Variants in OPRM1 observed in about 807,000 individuals in gnomAD.
OPRM1 encodes the protein opioid receptor mu 1.
Under a neutral mutation model 31.8 loss-of-function variants are expected in OPRM1, and 27 were observed. The observed-to-expected ratio is 0.85, with a 90% confidence interval of 0.63 to 1.17. OPRM1 has a LOEUF of 1.17. OPRM1 is among the 50% of genes most tolerant of loss of function. The pLI, the probability that OPRM1 is intolerant of heterozygous loss-of-function variation, is 0.00. For missense variants in OPRM1, 536 were observed against 511.1 expected, an observed-to-expected ratio of 1.05 and a Z score of -0.47; for synonymous variants, 196 against 189.9, an observed-to-expected ratio of 1.03 and a Z score of -0.26.
chr6:154,246,708 A>T, exon 4 of OPRM1: 1 of 1,614,138 alleles, frequency 6.2e-7, no homozygotes. Flanking sequence ...CTTGGCAGTC[A>T]GCATGGCCCA....
intron 1 of OPRM1, among the ~76,000 whole-genome samples, chr6:154,027,050 G>C (rs1749996337): frequency 6.6e-6 from 1 of 152,162 alleles, no homozygotes; most frequent in Non-Finnish European, 1.5e-5. Flanking sequence ...AGTTAGGTAT[G>C]TATGGTAGTC....
chr6:154,206,381 C>G (rs1053149584), intron 3 of OPRM1, among the ~76,000 whole-genome samples: 1 of 152,102 alleles, frequency 6.6e-6, no homozygotes, highest in African/African-American at 2.4e-5. Context: ...ATTTGTGGAA[C>G]AAGAAATTTG....
chr6:154,093,694 C>T (rs1792834139), intron 3 of OPRM1, among the ~76,000 whole-genome samples: 1 of 152,200 alleles, frequency 6.6e-6, no homozygotes, highest in African/African-American at 2.4e-5. Context: ...GAATTGGTTG[C>T]TGTCCCAAAA....
chr6:154,181,660 T>C (rs1800883039), intron 3 of OPRM1, among the ~76,000 whole-genome samples: 1 of 152,142 alleles, frequency 6.6e-6, no homozygotes, highest in Non-Finnish European at 1.5e-5. Context: ...AAGGGAGCAA[T>C]CCCCACCCGG....
At chr6:154,069,612 C>A (rs778840177) in intron 1 of OPRM1, among the ~76,000 whole-genome samples, 8 of 152,128 alleles carry the variant, frequency 5.3e-5, no homozygotes, top group Non-Finnish European at 1.2e-4. Context: ...CCTATGTTTT[C>A]TTTTAGCATT....
At chr6:154,212,109 C>G (rs1778010106) in intron 3 of OPRM1, among the ~76,000 whole-genome samples, 1 of 152,072 alleles carries the variant, frequency 6.6e-6, no homozygotes, top group Admixed American at 6.5e-5. Flanking sequence ...GGTATAAAAC[C>G]AAAAATCACC....
chr6:154,198,789 G>C (rs34007356), intron 3 of OPRM1, among the ~76,000 whole-genome samples: 13,967 of 152,044 alleles, frequency 0.092, 975 homozygotes, highest in African/African-American at 0.2. Flanking sequence ...GGAGAGGAGA[G>C]AGCAGTCATC....
At chr6:154,083,957 A>AG (rs1184906159) in intron 1 of OPRM1, among the ~76,000 whole-genome samples, 18 of 151,014 alleles carry the variant, frequency 1.2e-4, no homozygotes, top group Non-Finnish European at 2.7e-4. Flanking sequence ...AAAAAAAAAA[A>AG]AAAAAAAAAA....
At chr6:154,114,884 A>C (rs969690370) in intron 3 of OPRM1, among the ~76,000 whole-genome samples, 1 of 151,972 alleles carries the variant, frequency 6.6e-6, no homozygotes, top group African/African-American at 2.4e-5. Context: ...ATTAAAAAAA[A>C]AAAAACAAAA....
chr6:154,131,195 T>C lies in OPRM1; in HGVS notation c.*12474T>C, dbSNP rs1193751379. Among the ~76,000 whole-genome samples the C allele has an allele frequency of 6.6e-6, 1 of 152,212 alleles. No homozygotes were observed. The highest frequency in any genetic ancestry group is 1.5e-5 in the Non-Finnish European group (1 of 68,038). ...TTGCATTTGAAATTCAGGTAACTAA[T>C]AACCCTTGGTTTTAAAAGATACATA... On this transcript the variant is annotated 3_prime_UTR_variant, in exon 4 of 4. Transcript: ENST00000330432.
intron 3 of OPRM1, among the ~76,000 whole-genome samples, chr6:154,216,373 T>C (rs533768745): frequency 6.6e-6 from 1 of 152,272 alleles, no homozygotes; most frequent in East Asian, 1.9e-4. Flanking sequence ...ATATCTTCTG[T>C]AATTGTGCCT....
intron 1 of OPRM1, among the ~76,000 whole-genome samples, chr6:154,080,576 C>T (rs976175660): frequency 5.3e-5 from 8 of 152,188 alleles, no homozygotes; most frequent in Admixed American, 6.5e-5. Context: ...CTCCCTGTCT[C>T]GCTCCCTCTT....
chr6:154,083,187 A>G (rs1014775727), intron 1 of OPRM1, among the ~76,000 whole-genome samples: 2 of 152,170 alleles, frequency 1.3e-5, no homozygotes, highest in Non-Finnish European at 2.9e-5. Context: ...GAGTAGTGCA[A>G]TGACATTCGG....
At chr6:154,221,759 A>T (rs554634066) in intron 3 of OPRM1, among the ~76,000 whole-genome samples, 1 of 152,262 alleles carries the variant, frequency 6.6e-6, no homozygotes, top group East Asian at 1.9e-4. Context: ...CTCTAGTCCC[A>T]GCTACCCGGG....
rs759582909 is a variant in OPRM1, at chr6:154,160,066, G to A, written c.1164+68594G>A. The A allele has an allele frequency of 1.9e-6, 3 of 1,554,176 alleles. No individual in the cohort carries two copies. In the Admixed American group the frequency reaches 5.2e-5, roughly 27 times the overall value. On this transcript the variant is annotated intron_variant, in intron 3 of 3. Coordinates refer to the OPRM1 transcript ENST00000337049. Reference sequence around the variant, plus strand: ...CTGTGTGAGTAGAAAAAAAGGGGAAGGGGGTATGTTGAGAGTGTCTTAATT... The same window carrying A: ...CTGTGTGAGTAGAAAAAAAGGGGAAAGGGGTATGTTGAGAGTGTCTTAATT...
chr6:154,021,243 C>T (rs985088006), intron 1 of OPRM1, among the ~76,000 whole-genome samples: 1 of 152,144 alleles, frequency 6.6e-6, no homozygotes, highest in African/African-American at 2.4e-5. Flanking sequence ...TCCCTTTGCT[C>T]CTTTATCAAA....
chr6:154,014,319 G>A (rs866075776), intron 1 of OPRM1, among the ~76,000 whole-genome samples: 2 of 152,180 alleles, frequency 1.3e-5, no homozygotes, highest in Middle Eastern at 3.4e-3. Flanking sequence ...TTTACTCTAA[G>A]AAAGATAAGA....
chr6:154,220,386 G>A (rs536826118), intron 3 of OPRM1, among the ~76,000 whole-genome samples: 3 of 152,304 alleles, frequency 2.0e-5, no homozygotes, highest in East Asian at 3.9e-4. Context: ...GACCAGGTGC[G>A]GTGGCTTACG....
chr6:154,088,677 A>G (rs1473585283), intron 1 of OPRM1, among the ~76,000 whole-genome samples: 1 of 152,224 alleles, frequency 6.6e-6, no homozygotes. Flanking sequence ...TACTTTAATT[A>G]TGCGTTATTT....
Sources: gnomAD v4.1 joint callset for allele counts (sites outside exome capture counted in the v4.1 genomes callset) on GRCh38, gnomAD v4.1.1 for gene constraint, MANE v1.5 for transcripts, NCBI Gene and HGNC (gene_info 2026-07-23, HGNC 2026-07-21) for gene names.